Variants in TGDS observed in about 807,000 individuals in gnomAD.
TGDS encodes the protein UDP-D-glucose 4,6-dehydratase.
TGDS carries 47 observed loss-of-function variants against 52.3 expected under a neutral mutation model. The observed-to-expected ratio is 0.90, with a 90% CI of 0.71 to 1.15. TGDS has a LOEUF of 1.15. TGDS is among the 50% of genes most tolerant of loss of function. TGDS has a pLI of 0.00. For synonymous variants in TGDS, 115 were observed against 136.9 expected, an observed-to-expected ratio of 0.84 and a Z score of 1.12; for missense variants, 375 against 418.4, an observed-to-expected ratio of 0.90 and a Z score of 0.90.
chr13:94,585,648 A>G (rs1888949810), intron 4 of TGDS, among the ~76,000 whole-genome samples: 1 of 152,064 alleles, frequency 6.6e-6, no homozygotes, highest in Admixed American at 6.5e-5. Flanking sequence ...AAATACAAAA[A>G]AATAAACCGG....
chr13:94,593,978 G>T, intron 1 of TGDS, 71 bp from the exon 2 acceptor site: 1 of 951,246 alleles, frequency 1.1e-6, no homozygotes, highest in East Asian at 2.6e-5. Context: ...TTTTCCTAAG[G>T]TGTTGAGTAC....
Position 94,593,914 on chromosome 13 carries a change from A to G in TGDS, c.87-7T>C. On this transcript the variant is annotated splice_region_variant and splice_polypyrimidine_tract_variant and intron_variant, in intron 1 of 11. Transcript: ENST00000261296. Reference sequence around the variant, plus strand: ...GACAATCATATGTGATGCACTATGGAAAAAAAGTATATCTTGTTAGTGAAA... The same window carrying G: ...GACAATCATATGTGATGCACTATGGGAAAAAAGTATATCTTGTTAGTGAAA... 6.5e-7 allele frequency: 1 copy of G among 1,531,486 alleles called. No homozygotes were observed. Among genetic ancestry groups the G allele is most frequent in the South Asian group, 1.2e-5 (1 of 81,628 alleles). The allele number at this position is 1,531,486 out of a possible 1,614,324, so 94.9% of individuals were successfully genotyped here.
At chr13:94,575,710 A>G (rs1461573193) in intron 11 of TGDS, among the ~76,000 whole-genome samples, 1 of 152,168 alleles carries the variant, frequency 6.6e-6, no homozygotes, top group Non-Finnish European at 1.5e-5. Flanking sequence ...TGACTTAAGT[A>G]TTTGTATTTC....
intron 2 of TGDS, 108 bp from the exon 3 acceptor site, chr13:94,592,417 G>T: frequency 1.2e-6 from 1 of 813,556 alleles, no homozygotes; most frequent in Non-Finnish European, 1.9e-6. Flanking sequence ...TACAATACAA[G>T]AACATGTCCT....
At position 94,575,228 on chromosome 13, in the gene TGDS, C is replaced by A. The variant is rs535350204; in HGVS notation, c.983-376G>T. On this transcript the variant is annotated intron_variant, in intron 11 of 11. Coordinates refer to ENST00000261296, the MANE Select transcript of TGDS (RefSeq NM_014305.4). ...AAAAAAGTATAATACAGTGTTTAGT[C>A]GTATAAATATGGTAACACTGCATGA... Among the ~76,000 whole-genome samples the A allele has an allele frequency of 8.1e-5, 12 of 148,304 alleles. No homozygotes were observed. The East Asian group carries it at 1.8e-3, about 22-fold the overall frequency.
chr13:94,583,994 A>G (rs1291312620), intron 4 of TGDS, among the ~76,000 whole-genome samples: 1 of 152,230 alleles, frequency 6.6e-6, no homozygotes, highest in African/African-American at 2.4e-5. Context: ...AAACTCAGAG[A>G]TACCACTTCT....
At chr13:94,581,703 C>G (rs1023570141) in intron 5 of TGDS, among the ~76,000 whole-genome samples, 1 of 152,108 alleles carries the variant, frequency 6.6e-6, no homozygotes, top group Non-Finnish European at 1.5e-5. Flanking sequence ...GAGAAGTGGT[C>G]AAGGTTTACT....
chr13:94,576,645 C>T (rs528659818), intron 10 of TGDS, among the ~76,000 whole-genome samples: 7 of 151,148 alleles, frequency 4.6e-5, no homozygotes, highest in East Asian at 3.9e-4. Context: ...GTTTCAGCCA[C>T]GATCTAGATA....
chr13:94,595,056 A>G (rs1311126774), intron 1 of TGDS, among the ~76,000 whole-genome samples: 2 of 152,192 alleles, frequency 1.3e-5, no homozygotes, highest in South Asian at 2.1e-4. Context: ...AATTTCAGGT[A>G]GAGGTTAAGT....
intron 4 of TGDS, among the ~76,000 whole-genome samples, chr13:94,584,481 C>A (rs1215624487): frequency 1.3e-5 from 2 of 152,216 alleles, no homozygotes; most frequent in Non-Finnish European, 2.9e-5. Flanking sequence ...AACAAAAAAT[C>A]TCAATGCGGA....
At chr13:94,585,552 C>T (rs1888945064) in intron 4 of TGDS, among the ~76,000 whole-genome samples, 2 of 151,816 alleles carry the variant, frequency 1.3e-5, no homozygotes, top group Non-Finnish European at 2.9e-5. Context: ...AATCCCAGCA[C>T]TTTGGGAGGC....
At position 94,574,537 on chromosome 13, in the gene TGDS, T is replaced by C. The variant is rs1357010529; in HGVS notation, c.*245A>G. On this transcript the variant is annotated 3_prime_UTR_variant, in exon 12 of 12. Transcript: ENST00000261296. Reference sequence around the variant, plus strand: ...CTGGCTACCCTTAGGGAGAGTCTTCTACACCTATTATTTCCTAGTTTCTAG... The same window carrying C: ...CTGGCTACCCTTAGGGAGAGTCTTCCACACCTATTATTTCCTAGTTTCTAG... The C allele has an allele frequency of 1.4e-5, 6 of 433,426 alleles. No homozygotes were observed. The highest frequency in any genetic ancestry group is 2.5e-5 in the Non-Finnish European group (6 of 243,734). 26.8% of individuals were successfully genotyped at this position (433,426 alleles called of 1,614,324 possible).
intron 2 of TGDS, among the ~76,000 whole-genome samples, chr13:94,593,371 G>A (rs1431234368): frequency 6.6e-6 from 1 of 152,118 alleles, no homozygotes; most frequent in Non-Finnish European, 1.5e-5. Flanking sequence ...CTTCATAAGA[G>A]TTAAGGGTTC....
chr13:94,574,437 G>A lies in TGDS; in HGVS notation c.*345C>T, dbSNP rs1338272217. Reference sequence around the variant, plus strand: ...TTTCAGAGACTTTCTTAGGCACTGAGTTCAAAACCAGTGAAGGTTGCCTTC... The same window carrying A: ...TTTCAGAGACTTTCTTAGGCACTGAATTCAAAACCAGTGAAGGTTGCCTTC... On this transcript the variant is annotated 3_prime_UTR_variant, in exon 12 of 12. Coordinates refer to ENST00000261296, the MANE Select transcript of TGDS (RefSeq NM_014305.4). The A allele has an allele frequency of 1.0e-5, 2 of 190,692 alleles. No homozygotes were observed. The highest frequency in any genetic ancestry group is 1.3e-4 in the East Asian group (1 of 7,760). The allele number at this position is 190,692 out of a possible 1,614,324, so 11.8% of individuals were successfully genotyped here.
chr13:94,596,115 C>T lies in TGDS; in HGVS notation c.22G>A (p.Glu8Lys). 6.2e-7 allele frequency: 1 copy of T among 1,614,166 alleles called. No homozygotes were observed. ...AAGCCGCCGGGAAGACCCCACGGTT[C>T]CTCCCAACACGCCGCCGACATCTCC... is the stretch of plus-strand genomic sequence containing the variant. MSAACWE[E>K]PWGLPGGFAK... is the part of the protein sequence containing the mutation. The change falls in exon 1 of 12, where the codon GAA becomes AAA. Residue 8 changes from glutamate (E) to lysine (K), a missense_variant. Physicochemically the swap from Glu to Lys is moderately conservative, Grantham distance 56. Coordinates refer to ENST00000261296, the MANE Select transcript of TGDS (RefSeq NM_014305.4).
chr13:94,581,604 G>A (rs1201258058), intron 5 of TGDS, among the ~76,000 whole-genome samples: 1 of 152,188 alleles, frequency 6.6e-6, no homozygotes, highest in African/African-American at 2.4e-5. Flanking sequence ...CTGATGTAGG[G>A]TGGCAGGGTG....
At chr13:94,593,968 TTTTCC>T in intron 1 of TGDS, 61 bp from the exon 2 acceptor site, 1 of 1,088,122 alleles carries the variant, frequency 9.2e-7, no homozygotes, top group East Asian at 2.5e-5. Flanking sequence ...CTCTTGAATA[TTTTCC>T]TAAGGTGTTG....
At chr13:94,583,701 A>C (rs1311453510) in intron 4 of TGDS, among the ~76,000 whole-genome samples, 1 of 152,150 alleles carries the variant, frequency 6.6e-6, no homozygotes, top group Non-Finnish European at 1.5e-5. Flanking sequence ...ACAATCCAGA[A>C]GCAATAATGG....
At chr13:94,581,352 C>T (rs1197580497) in intron 5 of TGDS, among the ~76,000 whole-genome samples, 163 bp from the exon 6 acceptor site, 3 of 152,162 alleles carry the variant, frequency 2.0e-5, no homozygotes, top group Non-Finnish European at 4.4e-5. Flanking sequence ...ACTTCTTTAA[C>T]GTGCACAACA....
Sources: allele counts gnomAD v4.1 joint callset (sites outside exome capture counted in the v4.1 genomes callset), GRCh38; gene constraint gnomAD v4.1.1; transcripts MANE v1.5; gene names NCBI Gene and HGNC (gene_info 2026-07-23, HGNC 2026-07-21).